Variants in HERC5 observed in about 807,000 individuals in gnomAD.
The protein encoded by HERC5 is HECT and RLD domain containing E3 ubiquitin protein ligase 5, also known as E3 ISG15--protein ligase HERC5.
A neutral mutation model predicts 119.6 loss-of-function variants in HERC5; 99 were observed. The ratio of observed to expected loss-of-function variants is 0.83; its 90% CI spans 0.70 to 0.98. The LOEUF (loss-of-function observed/expected upper bound fraction) is 0.98, where lower values mean the gene tolerates loss of function less well. Among genes scored for constraint, HERC5 ranks in the 50% least tolerant of loss-of-function variants. HERC5 has a pLI of 0.00. For missense variants in HERC5, 1,267 were observed against 1,241.3 expected (o/e 1.02, Z -0.31); for synonymous variants, 478 against 445.9 (o/e 1.07, Z -0.91).
intron 19 of HERC5, 106 bp downstream of exon 19, chr4:88,500,098 T>G (rs1741905507): frequency 2.8e-6 from 2 of 704,628 alleles, no homozygotes; most frequent in Non-Finnish European, 4.7e-6. Flanking sequence ...CCTGAATAAA[T>G]TAGTGAAAAA....
intron 11 of HERC5, 96 bp from the exon 12 acceptor site, chr4:88,475,745 G>A (rs2149095172): frequency 2.0e-6 from 2 of 1,000,242 alleles, no homozygotes; most frequent in South Asian, 2.8e-5. Context: ...GTAGTAGAAT[G>A]ACATTCCAGC....
At chr4:88,488,089 C>T (rs1008634846) in intron 15 of HERC5, among the ~76,000 whole-genome samples, 1 of 152,000 alleles carries the variant, frequency 6.6e-6, no homozygotes, top group African/African-American at 2.4e-5. Flanking sequence ...AAAGGGAAAT[C>T]AAAGATAAAA....
intron 7 of HERC5, among the ~76,000 whole-genome samples, chr4:88,467,526 G>A (rs1740714868): frequency 1.3e-5 from 2 of 152,174 alleles, no homozygotes; most frequent in Admixed American, 6.5e-5. Flanking sequence ...ACTAATTCTT[G>A]TAATTGGCTG....
chr4:88,457,811 A>T, intron 1 of HERC5: 1 of 760,646 alleles, frequency 1.3e-6, no homozygotes, highest in Non-Finnish European at 1.8e-6. Flanking sequence ...TCATCCTTTT[A>T]GCCAGTCTGG....
chr4:88,478,359 C>T (rs919449726), intron 12 of HERC5, among the ~76,000 whole-genome samples: 2 of 151,772 alleles, frequency 1.3e-5, no homozygotes, highest in South Asian at 2.1e-4. Flanking sequence ...AGTAAAATTA[C>T]GTGATAATTA....
At chr4:88,485,710 C>T (rs976879009) in intron 13 of HERC5, among the ~76,000 whole-genome samples, 2 of 152,082 alleles carry the variant, frequency 1.3e-5, no homozygotes, top group Admixed American at 6.5e-5. Context: ...GGAAAATTTC[C>T]TCTCGGTAGG....
chr4:88,494,476 GGAT>G, intron 18 of HERC5, 145 bp downstream of exon 18: 1 of 696,300 alleles, frequency 1.4e-6, no homozygotes, highest in Non-Finnish European at 2.4e-6. Flanking sequence ...AAGAATTGTT[GGAT>G]GATAATTTCG....
chr4:88,457,769 A>G, intron 1 of HERC5: 1 of 651,354 alleles, frequency 1.5e-6, no homozygotes. Context: ...CGCTCAGCAA[A>G]GTGGCCGGTG....
At chr4:88,467,249 A>G in intron 7 of HERC5, 45 bp downstream of exon 7, 1 of 1,578,434 alleles carries the variant, frequency 6.3e-7, no homozygotes, top group Non-Finnish European at 8.6e-7. Flanking sequence ...ATCTTTTTAG[A>G]GAAAATGATT....
At position 88,464,000 on chromosome 4, in the gene HERC5, A is replaced by T. The variant is rs750823444; in HGVS notation, c.911+15A>T. 1 of 1,604,252 alleles carries T rather than the reference A, an allele frequency of 6.2e-7. No homozygotes were observed. The highest frequency in any genetic ancestry group is 1.3e-5 in the African/African-American group (1 of 74,590). Reference sequence around the variant, plus strand: ...GCATGTGGAAGGTAAGTTGTAAAGTATCAATAAGAATTGATAAAATGAGTG... The same window carrying T: ...GCATGTGGAAGGTAAGTTGTAAAGTTTCAATAAGAATTGATAAAATGAGTG... On this transcript the variant is annotated intron_variant, in intron 6 of 22. Transcript: ENST00000264350.
In HERC5 at chr4:88,505,942, TTG is replaced by T. The variant is rs1354008346; in HGVS notation, c.*66_*67del. The stretch of plus-strand genomic sequence containing the variant: ...ATCGTTGTTGTTGTTGTTGTTGTTG[TTG>T]TTTCTCTACTTTGTTTTGTTTTAGG... On this transcript the variant is annotated 3_prime_UTR_variant, in exon 23 of 23. Coordinates refer to ENST00000264350, the MANE Select transcript of HERC5 (RefSeq NM_016323.4). The T allele has an allele frequency of 5.3e-6, 7 of 1,327,236 alleles. No homozygotes were observed. In the African/African-American group the frequency reaches 5.9e-5, roughly 11 times the overall value. The allele number at this position is 1,327,236 out of a possible 1,614,324, so 82.2% of individuals were successfully genotyped here.
At position 88,459,452 on chromosome 4, in the gene HERC5, A is replaced by G. The variant is rs765480719; in HGVS notation, c.371A>G (p.Tyr124Cys). The G allele has an allele frequency of 8.3e-6, 13 of 1,563,086 alleles. No individual in the cohort carries two copies. Among genetic ancestry groups the G allele is most frequent in the African/African-American group, 4.1e-5 (3 of 72,590 alleles). The change falls in exon 2 of 23, where the codon TAT becomes TGT. Residue 124 changes from tyrosine to cysteine, a missense_variant. Tyr to Cys is a radical substitution (Grantham distance 194). Transcript: ENST00000264350. ...SDGKPFEYDN[Y>C]SMKHLRFESI... ...GGAAAACCATTTGAGTATGACAACT[A>G]TAGCATGAAACATCTAAGGTAGGGA...
intron 11 of HERC5, chr4:88,473,262 G>A (rs1740939468): frequency 6.6e-6 from 1 of 151,084 alleles, no homozygotes. Flanking sequence ...TTTTCTCTCT[G>A]GGTCGCACTG....
chr4:88,460,458 T>A (rs918987749), intron 3 of HERC5, among the ~76,000 whole-genome samples: 5 of 152,272 alleles, frequency 3.3e-5, no homozygotes, highest in African/African-American at 1.2e-4. Flanking sequence ...TCTCTACATC[T>A]GATCCAGGCC....
At chr4:88,486,253 G>A (rs749501001) in intron 14 of HERC5, 25 bp downstream of exon 14, 4 of 1,355,952 alleles carry the variant, frequency 2.9e-6, no homozygotes, top group South Asian at 2.5e-5. Flanking sequence ...TTTAAAGGGG[G>A]AAATTGATAA....
intron 20 of HERC5, among the ~76,000 whole-genome samples, chr4:88,502,000 G>A (rs575280788): frequency 2.2e-4 from 33 of 152,164 alleles, no homozygotes; most frequent in African/African-American, 7.7e-4. Context: ...GGGTTTCACC[G>A]TGTTAGCCAG....
At chr4:88,486,743 T>G (rs928326037) in intron 14 of HERC5, among the ~76,000 whole-genome samples, 1 of 152,230 alleles carries the variant, frequency 6.6e-6, no homozygotes, top group Non-Finnish European at 1.5e-5. Context: ...CAGCTACCCA[T>G]GTTATATCAT....
chr4:88,503,383 C>G (rs903409276), intron 20 of HERC5, among the ~76,000 whole-genome samples: 41 of 152,064 alleles, frequency 2.7e-4, no homozygotes, highest in Non-Finnish European at 4.4e-5. Context: ...GATCTTGTTG[C>G]AATATTCTAA....
intron 20 of HERC5, 78 bp downstream of exon 20, chr4:88,501,063 T>C (rs1741933384): frequency 7.3e-6 from 7 of 952,704 alleles, no homozygotes; most frequent in Non-Finnish European, 1.1e-5. Flanking sequence ...TCCTTTTAGC[T>C]CTTTAATTTT....
Sources: allele counts gnomAD v4.1 joint callset (sites outside exome capture counted in the v4.1 genomes callset), GRCh38; gene constraint gnomAD v4.1.1; transcripts MANE v1.5; gene names NCBI Gene and HGNC (gene_info 2026-07-23, HGNC 2026-07-21).